The following PDE8A variants were observed in gnomAD, a reference collection of about 807,000 sequenced individuals.
PDE8A encodes high affinity cAMP-specific and IBMX-insensitive 3',5'-cyclic phosphodiesterase 8A.
A neutral mutation model predicts 105.0 loss-of-function variants in PDE8A; 59 were observed. The ratio of observed to expected loss-of-function variants is 0.56; its 90% confidence interval spans 0.46 to 0.70. PDE8A has a LOEUF of 0.70. Ranked by LOEUF, PDE8A falls within the 30% of genes least tolerant of loss-of-function variation. PDE8A has a pLI of 0.00. For synonymous variants in PDE8A, 355 were observed against 371.9 expected (o/e 0.95, Z 0.52); for missense variants, 1,014 against 1,045.9 (o/e 0.97, Z 0.42).
chr15:84,982,569 AG>A (rs1215867949), intron 1 of PDE8A, among the ~76,000 whole-genome samples: 1 of 152,174 alleles, frequency 6.6e-6, no homozygotes, highest in East Asian at 1.9e-4. Context: ...GGTTGCGATT[AG>A]GACGCCGCCT....
chr15:85,008,947 G>C (rs902465230), intron 1 of PDE8A, among the ~76,000 whole-genome samples: 1 of 152,146 alleles, frequency 6.6e-6, no homozygotes, highest in African/African-American at 2.4e-5. Flanking sequence ...TCCCAAGCTG[G>C]TCTGTCCCTT....
intron 5 of PDE8A, among the ~76,000 whole-genome samples, chr15:85,079,651 G>A (rs1265546373): frequency 5.9e-5 from 9 of 152,180 alleles, no homozygotes; most frequent in African/African-American, 2.2e-4. Flanking sequence ...GGTGGCTCAC[G>A]CCTGTAATCC....
intron 1 of PDE8A, among the ~76,000 whole-genome samples, chr15:85,024,699 GT>G (rs1479556416): frequency 6.6e-6 from 1 of 152,156 alleles, no homozygotes. Flanking sequence ...TTTCCCAGTA[GT>G]TTGCCCATGC....
chr15:85,009,762 A>G (rs931921605), intron 1 of PDE8A, among the ~76,000 whole-genome samples: 1 of 152,220 alleles, frequency 6.6e-6, no homozygotes, highest in African/African-American at 2.4e-5. Flanking sequence ...ATGTTCTCTC[A>G]CCACCAGTTC....
intron 8 of PDE8A, among the ~76,000 whole-genome samples, chr15:85,093,818 T>C (rs2081692328): frequency 6.6e-6 from 1 of 152,176 alleles, no homozygotes; most frequent in Non-Finnish European, 1.5e-5. Flanking sequence ...TCTCCCATCT[T>C]CTCAGATACC....
At chr15:85,032,702 C>T (rs1394155717) in intron 1 of PDE8A, among the ~76,000 whole-genome samples, 2 of 152,052 alleles carry the variant, frequency 1.3e-5, no homozygotes, top group East Asian at 3.8e-4. Flanking sequence ...TAATTTAGAT[C>T]TGTATTTTCA....
chr15:84,985,937 T>G (rs1472286411), intron 1 of PDE8A, among the ~76,000 whole-genome samples: 2 of 152,074 alleles, frequency 1.3e-5, no homozygotes, highest in African/African-American at 2.4e-5. Context: ...AAAGAAAGAT[T>G]AAAGAGGCTG....
chr15:84,984,984 A>G (rs929015065), intron 1 of PDE8A, among the ~76,000 whole-genome samples: 7 of 152,124 alleles, frequency 4.6e-5, no homozygotes, highest in Non-Finnish European at 1.0e-4. Flanking sequence ...TATGCGGCCT[A>G]TACTGGCTCA....
chr15:85,052,129 A>C (rs1237004571), intron 1 of PDE8A, among the ~76,000 whole-genome samples: 1 of 152,142 alleles, frequency 6.6e-6, no homozygotes, highest in Non-Finnish European at 1.5e-5. Flanking sequence ...AGCTTCATCC[A>C]TGTCCCTACA....
chr15:85,115,525 A>G lies in PDE8A; in HGVS notation c.1399+38A>G, dbSNP rs749860511. ...TTTTTAATTTCTTAGATCACTGTCTATAATACTGCAGTCTAGCTTAAGTGA... is the reference window on the plus strand; with the variant it reads ...TTTTTAATTTCTTAGATCACTGTCTGTAATACTGCAGTCTAGCTTAAGTGA... On this transcript the variant is annotated intron_variant, in intron 15 of 21. Transcript: ENST00000394553. 3.5e-5 allele frequency: 35 copies of G among 1,014,124 alleles called. 1 individual carries two copies. Among genetic ancestry groups the G allele is most frequent in the African/African-American group, 5.0e-5 (3 of 60,158 alleles). The allele number at this position is 1,014,124 out of a possible 1,614,324, so 62.8% of individuals were successfully genotyped here. A position where few individuals can be genotyped will look rare whatever the true frequency, so the allele number is the denominator to read the frequency against.
chr15:85,131,459 A>C (rs924120260), intron 20 of PDE8A, among the ~76,000 whole-genome samples: 1 of 152,192 alleles, frequency 6.6e-6, no homozygotes, highest in Admixed American at 6.5e-5. Flanking sequence ...TAGAGATTGC[A>C]TAGGACAACC....
intron 6 of PDE8A, among the ~76,000 whole-genome samples, chr15:85,085,145 G>GCCTA (rs2081531029): frequency 1.3e-5 from 2 of 152,176 alleles, no homozygotes; most frequent in African/African-American, 4.8e-5. Flanking sequence ...CCAAAATGTA[G>GCCTA]CCTACAAGGG....
chr15:85,114,879 G>A (rs2141604654), intron 14 of PDE8A, among the ~76,000 whole-genome samples: 1 of 152,258 alleles, frequency 6.6e-6, no homozygotes, highest in South Asian at 2.1e-4. Context: ...GATGAGAATA[G>A]CCACAGGACT....
intron 1 of PDE8A, among the ~76,000 whole-genome samples, chr15:85,033,455 C>A (rs1313644916): frequency 1.3e-5 from 2 of 152,052 alleles, no homozygotes; most frequent in Non-Finnish European, 2.9e-5. Context: ...GAGAGAGGCT[C>A]AAGAATACCT....
chr15:85,027,305 T>A (rs1237176500), intron 1 of PDE8A, among the ~76,000 whole-genome samples: 1 of 152,200 alleles, frequency 6.6e-6, no homozygotes, highest in Non-Finnish European at 1.5e-5. Flanking sequence ...GAGGACATAC[T>A]TCTTTTTAGA....
chr15:85,129,745 A>G (rs1422422887), intron 20 of PDE8A, among the ~76,000 whole-genome samples: 1 of 151,842 alleles, frequency 6.6e-6, no homozygotes, highest in Non-Finnish European at 1.5e-5. Flanking sequence ...GGTTTAGTTT[A>G]TTCTTTCTGT....
intron 5 of PDE8A, among the ~76,000 whole-genome samples, chr15:85,081,717 T>TCTGCA: frequency 6.6e-6 from 1 of 152,194 alleles, no homozygotes; most frequent in Non-Finnish European, 1.5e-5. Context: ...ATGAGATGTT[T>TCTGCA]AGATAAAGAG....
intron 1 of PDE8A, among the ~76,000 whole-genome samples, chr15:85,031,924 AC>A (rs750609064): frequency 6.6e-6 from 1 of 152,142 alleles, no homozygotes; most frequent in Non-Finnish European, 1.5e-5. Context: ...TTACCCTCAG[AC>A]ACTTGTTGGA....
At chr15:85,006,644 T>G (rs184979350) in intron 1 of PDE8A, among the ~76,000 whole-genome samples, 5 of 152,362 alleles carry the variant, frequency 3.3e-5, no homozygotes, top group Non-Finnish European at 5.9e-5. Flanking sequence ...TTTCTTCTTG[T>G]GTAGATTTTT....
Sources: allele counts gnomAD v4.1 joint callset (sites outside exome capture counted in the v4.1 genomes callset), GRCh38; gene constraint gnomAD v4.1.1; transcripts MANE v1.5; gene names NCBI Gene and HGNC (gene_info 2026-07-23, HGNC 2026-07-21).